Variants in SUSD3 observed in about 807,000 individuals in gnomAD.
The protein encoded by SUSD3 is sushi domain containing 3.
Under a neutral mutation model 20.6 loss-of-function variants are expected in SUSD3, and 18 were observed. That is an observed-to-expected ratio of 0.87 (90% confidence interval 0.60 to 1.30). The LOEUF (loss-of-function observed/expected upper bound fraction) is 1.30, where lower values mean the gene tolerates loss of function less well. SUSD3 is among the 50% of genes most tolerant of loss of function. The pLI, the probability that SUSD3 is intolerant of heterozygous loss-of-function variation, is 0.00. For synonymous variants in SUSD3, 137 were observed against 141.5 expected (o/e 0.97, Z 0.23); for missense variants, 306 against 346.9 (o/e 0.88, Z 0.94).
At chr9:93,061,822 C>G (rs1222137210) in intron 1 of SUSD3, among the ~76,000 whole-genome samples, 1 of 152,220 alleles carries the variant, frequency 6.6e-6, no homozygotes, top group Non-Finnish European at 1.5e-5. Context: ...AGATTGAGGT[C>G]ACACAGGGAC....
chr9:93,058,711 C>G lies in SUSD3; in HGVS notation c.-32C>G. The G allele has an allele frequency of 4.9e-6, 6 of 1,213,434 alleles. No individual in the cohort carries two copies. Among genetic ancestry groups the G allele is most frequent in the Non-Finnish European group, 6.2e-6 (6 of 970,958 alleles). The allele number at this position is 1,213,434 out of a possible 1,614,324, so 75.2% of individuals were successfully genotyped here. On this transcript the variant is annotated 5_prime_UTR_variant, in exon 1 of 5. Transcript: ENST00000375472. Reference sequence around the variant, plus strand: ...CCACAAGCCGGGCTCACTCCCCTGGCAGACCCCGCCAAGCGCCTCGGAGCG... The same window carrying G: ...CCACAAGCCGGGCTCACTCCCCTGGGAGACCCCGCCAAGCGCCTCGGAGCG...
At chr9:93,073,396 G>A (rs911891729) in intron 1 of SUSD3, among the ~76,000 whole-genome samples, 4 of 152,106 alleles carry the variant, frequency 2.6e-5, no homozygotes, top group African/African-American at 4.8e-5. Context: ...TCAGGCGCCC[G>A]CCACCACACC....
intron 1 of SUSD3, among the ~76,000 whole-genome samples, chr9:93,061,575 A>G (rs1342838554): frequency 1.3e-5 from 2 of 152,232 alleles, no homozygotes; most frequent in Non-Finnish European, 2.9e-5. Flanking sequence ...GTGGCTCTGA[A>G]GCCTGTGCTC....
intron 1 of SUSD3, among the ~76,000 whole-genome samples, chr9:93,069,733 A>G (rs566093513): frequency 7.9e-5 from 12 of 151,746 alleles, no homozygotes; most frequent in African/African-American, 2.9e-4. Flanking sequence ...TTTTCTACAT[A>G]TATACGAAAT....
intron 1 of SUSD3, among the ~76,000 whole-genome samples, chr9:93,065,962 C>T (rs1825694987): frequency 6.6e-6 from 1 of 152,196 alleles, no homozygotes; most frequent in Non-Finnish European, 1.5e-5. Context: ...AGGAAATAGC[C>T]CAGGCCAGGG....
chr9:93,076,227 C>T (rs1472414185), intron 2 of SUSD3, among the ~76,000 whole-genome samples: 2 of 152,200 alleles, frequency 1.3e-5, no homozygotes, highest in Non-Finnish European at 1.5e-5. Context: ...GCTCTGCTAC[C>T]GACTCAGCCC....
At chr9:93,069,410 C>T (rs544635242) in intron 1 of SUSD3, among the ~76,000 whole-genome samples, 1 of 152,322 alleles carries the variant, frequency 6.6e-6, no homozygotes, top group South Asian at 2.1e-4. Flanking sequence ...GGACGGACTA[C>T]CATAATATGT....
intron 1 of SUSD3, chr9:93,069,217 T>A: frequency 1.4e-6 from 1 of 690,262 alleles, no homozygotes; most frequent in South Asian, 1.5e-5. Flanking sequence ...CCACCCCGCC[T>A]GGGATTGCTG....
chr9:93,075,731 T>TGGGGGGGGGGGGGGGGGGGGGGGG (rs1826113534), intron 1 of SUSD3, 53 bp from the exon 2 acceptor site: 13 of 398,892 alleles, frequency 3.3e-5, no homozygotes, highest in Non-Finnish European at 4.9e-5. Flanking sequence ...AGCCCTGCCC[T>TGGGGGGGGGGGGGGGGGGGGGGGG]GCGTGCCCAC....
intron 1 of SUSD3, among the ~76,000 whole-genome samples, chr9:93,059,617 C>T (rs968434965): frequency 1.6e-4 from 25 of 152,244 alleles, no homozygotes; most frequent in African/African-American, 5.8e-4. Flanking sequence ...GGCCACTGCC[C>T]ACGAACGTTA....
rs539695458 is a variant in SUSD3, at chr9:93,078,984, A to G, written c.426-487A>G. Among the ~76,000 whole-genome samples, 5 of 151,846 alleles carry G rather than the reference A, an allele frequency of 3.3e-5. No homozygotes were observed. The South Asian group carries it at 1.0e-3, about 32-fold the overall frequency. On this transcript the variant is annotated intron_variant, in intron 3 of 4. Transcript: ENST00000375472. ...TCAGCTAATTTTTTTTTGTATTTTT[A>G]GTACAGACGGGGTTTCACCGTGTTA...
intron 4 of SUSD3, among the ~76,000 whole-genome samples, chr9:93,080,652 C>T (rs74982652): frequency 0.072 from 10,949 of 152,270 alleles, 475 homozygotes; most frequent in South Asian, 0.15. Context: ...TTGGCTGAGG[C>T]GAAGCCCCCC....
At position 93,079,550 on chromosome 9, in the gene SUSD3, A is replaced by G; in HGVS notation, c.505A>G (p.Asn169Asp). The G allele has an allele frequency of 6.2e-7, 1 of 1,614,078 alleles. No homozygotes were observed. The highest frequency in any genetic ancestry group is 8.5e-7 in the Non-Finnish European group (1 of 1,180,000). Residue 169 changes from asparagine to aspartate, a missense_variant, in exon 4 of 5, where the codon AAC becomes GAC. Coordinates refer to ENST00000375472, the MANE Select transcript of SUSD3 (RefSeq NM_145006.4). Reference sequence around the variant, plus strand: ...CGCATACCTTGGCCTCAAGCACTTCAACAAACCCGTGAGCGGGCCCAGCCA... The same window carrying G: ...CGCATACCTTGGCCTCAAGCACTTCGACAAACCCGTGAGCGGGCCCAGCCA... ...QAAYLGLKHF[N>D]KPVSGPSQAH...
At position 93,058,796 on chromosome 9, in the gene SUSD3, CG is replaced by C; in HGVS notation, c.58del (p.Val20SerfsTer87). The C allele has an allele frequency of 8.0e-7, 1 of 1,245,920 alleles. No individual in the cohort carries two copies. Among genetic ancestry groups the C allele is most frequent in the Non-Finnish European group, 1.0e-6 (1 of 994,944 alleles). The allele number at this position is 1,245,920 out of a possible 1,614,324, so 77.2% of individuals were successfully genotyped here. A position where few individuals can be genotyped will look rare whatever the true frequency, so the allele number is the denominator to read the frequency against. ...RGKARPRGRA[G>X]VTTPAPGNRT... ...GCAAGGCGAGGCCCCGGGGGCGGGC[CG>C]GGGTCACCACGCCTGCCCCAGGGAA... On this transcript the variant is annotated frameshift_variant, in exon 1 of 5. Coordinates refer to ENST00000375472, the MANE Select transcript of SUSD3 (RefSeq NM_145006.4). LOFTEE classifies it high-confidence loss of function.
At position 93,058,718 on chromosome 9, in the gene SUSD3, C is replaced by T; in HGVS notation, c.-25C>T. ...CCGGGCTCACTCCCCTGGCAGACCCCGCCAAGCGCCTCGGAGCGCGCAGGA... is the reference window on the plus strand; with the variant it reads ...CCGGGCTCACTCCCCTGGCAGACCCTGCCAAGCGCCTCGGAGCGCGCAGGA... On this transcript the variant is annotated 5_prime_UTR_variant, in exon 1 of 5. Transcript: ENST00000375472. 2.4e-6 allele frequency: 3 copies of T among 1,225,560 alleles called. No individual in the cohort carries two copies. The highest frequency in any genetic ancestry group is 3.9e-5 in the South Asian group (1 of 25,610). 75.9% of individuals were successfully genotyped at this position (1,225,560 alleles called of 1,614,324 possible).
intron 1 of SUSD3, among the ~76,000 whole-genome samples, chr9:93,073,315 C>T (rs112486089): frequency 0.09 from 13,389 of 148,698 alleles, 1,713 homozygotes; most frequent in African/African-American, 0.29. Context: ...GGTGCAATCT[C>T]GGCTCACTGC....
chr9:93,075,669 C>T, intron 1 of SUSD3, 115 bp from the exon 2 acceptor site: 1 of 744,624 alleles, frequency 1.3e-6, no homozygotes, highest in African/African-American at 1.8e-5. Flanking sequence ...AGCTGCACCC[C>T]ACCCCTGTGC....
chr9:93,075,735 T>TTCCCCCCCCCCCCCC, intron 1 of SUSD3, 49 bp from the exon 2 acceptor site: 11 of 247,424 alleles, frequency 4.4e-5, no homozygotes, highest in South Asian at 9.3e-5. Flanking sequence ...CTGCCCTGCG[T>TTCCCCCCCCCCCCCC]GCCCACCCCC....
chr9:93,068,955 A>G lies in SUSD3; in HGVS notation c.89-6829A>G, dbSNP rs567866855. 8 of 545,702 alleles carry G rather than the reference A, an allele frequency of 1.5e-5. No individual in the cohort carries two copies. The African/African-American group carries it at 1.5e-4, about 10-fold the overall frequency. The allele number at this position is 545,702 out of a possible 1,614,324, so 33.8% of individuals were successfully genotyped here. On this transcript the variant is annotated intron_variant, in intron 1 of 4. Coordinates refer to ENST00000375472, the MANE Select transcript of SUSD3 (RefSeq NM_145006.4). ...AGTGAAAGATTAATGATAACCAGTA[A>G]TAAGTTATACCAATTATAACAATAT...
Sources: gnomAD v4.1 joint callset for allele counts (sites outside exome capture counted in the v4.1 genomes callset) on GRCh38, gnomAD v4.1.1 for gene constraint, MANE v1.5 for transcripts, NCBI Gene and HGNC (gene_info 2026-07-23, HGNC 2026-07-21) for gene names.